Variants in WWOX observed in about 807,000 individuals in gnomAD.
The protein encoded by WWOX is WW domain-containing oxidoreductase.
WWOX carries 69 observed loss-of-function variants against 46.2 expected under a neutral mutation model. The observed-to-expected ratio is 1.49, with a 90% CI of 1.23 to 1.82. The LOEUF is 1.82. Among genes scored for constraint, WWOX ranks in the 40% most tolerant of loss-of-function variants. The probability of loss-of-function intolerance (pLI) is 0.00; values close to 1 mark genes in which losing one functional copy is unlikely to be tolerated. For missense variants in WWOX, 919 were observed against 542.6 expected, an observed-to-expected ratio of 1.69 and a Z score of -6.89; for synonymous variants, 359 against 202.6, an observed-to-expected ratio of 1.77 and a Z score of -6.56.
Position 79,060,666 on chromosome 16 carries a change from A to G in WWOX, c.1057-150942A>G, listed in dbSNP as rs373872369. 2.6e-5 allele frequency among the ~76,000 whole-genome samples: 4 copies of G among 152,326 alleles called. No individual in the cohort carries two copies. The East Asian group carries it at 5.8e-4, about 22-fold the overall frequency. On this transcript the variant is annotated intron_variant, in intron 8 of 8. Coordinates refer to ENST00000566780, the MANE Select transcript of WWOX (RefSeq NM_016373.4). ...TTTTCTAGTCTCATTTTGTAAACCC[A>G]ATTACGAGCGGAGCTACAATTTTTA...
At chr16:78,143,752 G>GTTTTTTTTTTTTTTTTTTTTTTTTTTT (rs200125720) in intron 4 of WWOX, among the ~76,000 whole-genome samples, 1 of 120,240 alleles carries the variant, frequency 8.3e-6, no homozygotes, top group African/African-American at 3.0e-5. Context: ...GAATTGGTAT[G>GTTTTTTTTTTTTTTTTTTTTTTTTTTT]TTTTTTTTTT....
chr16:78,610,818 C>CATTATT (rs1351746004), intron 8 of WWOX, among the ~76,000 whole-genome samples: 1 of 152,004 alleles, frequency 6.6e-6, no homozygotes, highest in East Asian at 1.9e-4. Context: ...GGGGCATTAT[C>CATTATT]ATTATTATTA....
At chr16:79,050,351 G>A (rs950180731) in intron 8 of WWOX, among the ~76,000 whole-genome samples, 4 of 152,158 alleles carry the variant, frequency 2.6e-5, no homozygotes, top group Non-Finnish European at 5.9e-5. Context: ...TCCTCCACAT[G>A]TCTCTCATCT....
intron 5 of WWOX, among the ~76,000 whole-genome samples, chr16:78,362,486 G>C (rs1316317468): frequency 2.0e-5 from 3 of 152,126 alleles, no homozygotes; most frequent in Non-Finnish European, 4.4e-5. Context: ...GCAGGCATCT[G>C]TTGTTCCAGG....
chr16:78,679,920 C>T (rs534857840), intron 8 of WWOX, among the ~76,000 whole-genome samples: 1 of 152,200 alleles, frequency 6.6e-6, no homozygotes, highest in East Asian at 1.9e-4. Context: ...TAACCAATGG[C>T]AGCTGAGTGC....
At chr16:78,360,901 G>A (rs11150065) in intron 5 of WWOX, among the ~76,000 whole-genome samples, 78,524 of 151,170 alleles carry the variant, frequency 0.52, 21,971 homozygotes, top group Non-Finnish European at 0.63. Flanking sequence ...GGTTACTGCA[G>A]CCTCCACCTC....
intron 8 of WWOX, among the ~76,000 whole-genome samples, chr16:78,629,362 T>C (rs574502185): frequency 6.6e-6 from 1 of 152,196 alleles, no homozygotes; most frequent in Admixed American, 6.5e-5. Context: ...GTTAGTGCCG[T>C]ATATAGCAGT....
At chr16:78,831,325 C>A (rs138416032) in intron 8 of WWOX, among the ~76,000 whole-genome samples, 102 of 152,268 alleles carry the variant, frequency 6.7e-4, no homozygotes, top group African/African-American at 2.4e-3. Flanking sequence ...CTGAAGTAGC[C>A]CCTGACCAGC....
intron 8 of WWOX, among the ~76,000 whole-genome samples, chr16:78,564,133 C>G (rs937569100): frequency 3.3e-5 from 5 of 152,210 alleles, no homozygotes; most frequent in Admixed American, 2.0e-4. Flanking sequence ...AGACACCTGC[C>G]CAGCTGAGCC....
chr16:78,495,370 ACCTCAGGTGATCTGCCCGCCTTGG>A (rs1273364720), intron 8 of WWOX, among the ~76,000 whole-genome samples: 2 of 151,468 alleles, frequency 1.3e-5, no homozygotes, highest in African/African-American at 4.9e-5. Context: ...CGAACTCTTG[ACCTCAGGTGATCTGCCCGCCTTGG>A]CCTCCCAAAG....
At chr16:78,511,642 T>A (rs538951220) in intron 8 of WWOX, among the ~76,000 whole-genome samples, 19 of 152,242 alleles carry the variant, frequency 1.2e-4, no homozygotes, top group African/African-American at 4.6e-4. Context: ...GCCAATAAAG[T>A]TTATTGTAGG....
intron 8 of WWOX, among the ~76,000 whole-genome samples, chr16:79,178,042 CT>C (rs1219208689): frequency 1.3e-5 from 2 of 152,144 alleles, no homozygotes; most frequent in Non-Finnish European, 2.9e-5. Context: ...CTCTCTGGGG[CT>C]TCTTTTAGAA....
intron 6 of WWOX, among the ~76,000 whole-genome samples, chr16:78,418,061 G>A (rs1165322362): frequency 4.6e-5 from 7 of 152,116 alleles, no homozygotes; most frequent in Non-Finnish European, 7.3e-5. Flanking sequence ...TCCAGCAAGC[G>A]CTTAAAGAAT....
intron 8 of WWOX, among the ~76,000 whole-genome samples, chr16:78,864,754 C>CTTTTTTTTTTTT (rs57606576): frequency 1.1e-5 from 1 of 87,160 alleles, no homozygotes; most frequent in African/African-American, 4.8e-5. Flanking sequence ...TCTCCAACTC[C>CTTTTTTTTTTTT]TTTTTTTTTT....
chr16:78,633,241 G>A (rs1383114051), intron 8 of WWOX, among the ~76,000 whole-genome samples: 1 of 152,172 alleles, frequency 6.6e-6, no homozygotes, highest in Non-Finnish European at 1.5e-5. Flanking sequence ...CATGCTAGGT[G>A]ACAGAGCAAG....
In WWOX at chr16:79,108,910, A is replaced by T. The variant is rs564569909; in HGVS notation, c.1057-102698A>T. Among the ~76,000 whole-genome samples the T allele has an allele frequency of 6.2e-4, 90 of 146,190 alleles. No individual in the cohort carries two copies. The East Asian group carries it at 6.5e-3, about 11-fold the overall frequency. ...AGCAAGACCTTGTCTCAAAAAATTT[A>T]AAAAAAAAAGTTTTTTTTTTTTAAT... On this transcript the variant is annotated intron_variant, in intron 8 of 8. Coordinates refer to ENST00000566780, the MANE Select transcript of WWOX (RefSeq NM_016373.4).
chr16:78,805,602 A>C (rs1256408027), intron 8 of WWOX, among the ~76,000 whole-genome samples: 2 of 152,178 alleles, frequency 1.3e-5, no homozygotes, highest in East Asian at 3.9e-4. Flanking sequence ...GATTTGAGGC[A>C]TCTTGAAGGT....
chr16:78,529,540 C>T (rs1465558372), intron 8 of WWOX, among the ~76,000 whole-genome samples: 1 of 151,976 alleles, frequency 6.6e-6, no homozygotes, highest in Non-Finnish European at 1.5e-5. Flanking sequence ...GATCCCTGCT[C>T]ACTGCAACCT....
chr16:78,752,569 C>T (rs1441648410), intron 8 of WWOX, among the ~76,000 whole-genome samples: 1 of 152,168 alleles, frequency 6.6e-6, no homozygotes, highest in African/African-American at 2.4e-5. Context: ...CCATGCCTGG[C>T]CAAGAATATT....
Sources: gnomAD v4.1 joint callset for allele counts (sites outside exome capture counted in the v4.1 genomes callset) on GRCh38, gnomAD v4.1.1 for gene constraint, MANE v1.5 for transcripts, NCBI Gene and HGNC (gene_info 2026-07-23, HGNC 2026-07-21) for gene names.